The following MBNL1 variants were observed in gnomAD, a reference collection of about 807,000 sequenced individuals.
The protein encoded by MBNL1 is muscleblind like splicing regulator 1, also known as muscleblind-like protein 1.
Under a neutral mutation model 42.2 loss-of-function variants are expected in MBNL1, and 8 were observed. The ratio of observed to expected loss-of-function variants is 0.19; its 90% CI spans 0.11 to 0.34. The LOEUF (loss-of-function observed/expected upper bound fraction) is 0.34, where lower values mean the gene tolerates loss of function less well. MBNL1 is among the 10% of genes least tolerant of loss of function. MBNL1 has a pLI of 1.00. For missense variants in MBNL1, 309 were observed against 495.3 expected, an observed-to-expected ratio of 0.62 and a Z score of 3.57; for synonymous variants, 169 against 173.9, an observed-to-expected ratio of 0.97 and a Z score of 0.22.
intron 2 of MBNL1, among the ~76,000 whole-genome samples, chr3:152,381,725 ATGT>A (rs1430720659): frequency 6.6e-6 from 1 of 151,964 alleles, no homozygotes; most frequent in African/African-American, 2.4e-5. Context: ...TTTCTATGAA[ATGT>A]TTGTTTTTAA....
intron 2 of MBNL1, among the ~76,000 whole-genome samples, chr3:152,332,735 TGTGTGCGC>T (rs1333432838): frequency 2.5e-4 from 30 of 119,728 alleles, no homozygotes; most frequent in African/African-American, 9.3e-4. Context: ...TGTGTGTGTG[TGTGTGCGC>T]GCGCGCATGC....
intron 2 of MBNL1, among the ~76,000 whole-genome samples, chr3:152,407,209 CTTTTTTTTT>C (rs60509782): frequency 1.8e-5 from 1 of 54,378 alleles, no homozygotes; most frequent in Non-Finnish European, 4.1e-5. Context: ...GAAATATGTT[CTTTTTTTTT>C]TTTTTTTTTT....
intron 2 of MBNL1, among the ~76,000 whole-genome samples, chr3:152,323,846 T>G (rs781580996): frequency 1.3e-5 from 2 of 152,190 alleles, no homozygotes; most frequent in Non-Finnish European, 2.9e-5. Context: ...GACTGAAGCG[T>G]TGTTATACAG....
At chr3:152,388,464 A>G (rs1367157290) in intron 2 of MBNL1, among the ~76,000 whole-genome samples, 5 of 152,300 alleles carry the variant, frequency 3.3e-5, no homozygotes, top group East Asian at 3.9e-4. Flanking sequence ...TATTAACCCT[A>G]CCAGTCCCAG....
At chr3:152,412,541 G>C (rs534713641) in intron 2 of MBNL1, among the ~76,000 whole-genome samples, 2 of 152,214 alleles carry the variant, frequency 1.3e-5, no homozygotes, top group African/African-American at 4.8e-5. Flanking sequence ...AGGTACCATA[G>C]ATAAAAAATG....
At chr3:152,449,172 G>T (rs1211455250) in intron 6 of MBNL1, 3 of 151,944 alleles carry the variant, frequency 2.0e-5, no homozygotes, top group African/African-American at 4.8e-5. Context: ...AAGTTTCAAG[G>T]GATTATATGT....
intron 2 of MBNL1, among the ~76,000 whole-genome samples, chr3:152,391,221 T>G (rs574673346): frequency 6.6e-6 from 1 of 152,342 alleles, no homozygotes; most frequent in Non-Finnish European, 1.5e-5. Flanking sequence ...TATTAAGCAC[T>G]CTCTCCTTTT....
chr3:152,253,146 A>G (rs939296328), intron 2 of MBNL1, among the ~76,000 whole-genome samples: 8 of 152,094 alleles, frequency 5.3e-5, no homozygotes, highest in African/African-American at 1.7e-4. Context: ...ATACACTCAG[A>G]TGTTAAGAGG....
chr3:152,439,514 C>G (rs981632620), intron 4 of MBNL1, among the ~76,000 whole-genome samples: 1 of 152,058 alleles, frequency 6.6e-6, no homozygotes, highest in African/African-American at 2.4e-5. Flanking sequence ...AGAAAATTGC[C>G]AAGAAACCTT....
Position 152,459,374 on chromosome 3 carries a change from A to G in MBNL1, c.*18+29A>G, listed in dbSNP as rs755238844. ...AGTTCATTATGTAATATATAGTTGC[A>G]TATTTGTGGTGGTTTTTTTTAAGAT... is the stretch of plus-strand genomic sequence containing the variant. On this transcript the variant is annotated intron_variant, in intron 9 of 9. Transcript: ENST00000324210. 16 of 1,321,074 alleles carry G rather than the reference A, an allele frequency of 1.2e-5. No homozygotes were observed. The African/African-American group carries it at 2.3e-4, about 19-fold the overall frequency. The allele number at this position is 1,321,074 out of a possible 1,614,324, so 81.8% of individuals were successfully genotyped here.
chr3:152,441,548 A>G (rs2099145949), intron 4 of MBNL1, among the ~76,000 whole-genome samples: 1 of 152,208 alleles, frequency 6.6e-6, no homozygotes, highest in Admixed American at 6.5e-5. Flanking sequence ...AAGAAGGTTT[A>G]TTTAGAATTA....
At chr3:152,264,486 T>G (rs1229005004), upstream of MBNL1, 1 of 152,086 alleles carries the variant, frequency 6.6e-6, no homozygotes, top group East Asian at 1.9e-4. Flanking sequence ...TTTTAGAGCT[T>G]CTTCTTGTCC....
At chr3:152,407,029 T>A (rs1170949126) in intron 2 of MBNL1, among the ~76,000 whole-genome samples, 1 of 145,660 alleles carries the variant, frequency 6.9e-6, no homozygotes, top group East Asian at 2.0e-4. Flanking sequence ...ATTGGCAGTC[T>A]CAATAATTGT....
chr3:152,333,172 A>G (rs932252257), intron 2 of MBNL1, among the ~76,000 whole-genome samples: 1 of 152,178 alleles, frequency 6.6e-6, no homozygotes, highest in Non-Finnish European at 1.5e-5. Context: ...ATCCCCCAAA[A>G]CAGAATGACA....
rs572417247 is a variant in MBNL1, at chr3:152,322,738, T to A, written c.174+22371T>A. On this transcript the variant is annotated intron_variant, in intron 2 of 9. Coordinates refer to ENST00000324210, the MANE Select transcript of MBNL1 (RefSeq NM_021038.5). ...AAAGTTAACATTTTTCTGGCATTTT[T>A]TAAGCGCTAAGAGTAGAAATCAATA... Among the ~76,000 whole-genome samples the A allele has an allele frequency of 1.1e-3, 171 of 152,174 alleles. No individual in the cohort carries two copies. In the South Asian group the frequency reaches 0.019, roughly 17 times the overall value.
In MBNL1 at chr3:152,312,053, G is replaced by C. The variant is rs191124866; in HGVS notation, c.174+11686G>C. Among the ~76,000 whole-genome samples the C allele has an allele frequency of 5.1e-3, 770 of 151,544 alleles. 27 individuals are homozygous for C. The highest frequency in any genetic ancestry group is 0.042 in the Admixed American group (647 of 15,240). On this transcript the variant is annotated intron_variant, in intron 2 of 9. Coordinates refer to ENST00000324210, the MANE Select transcript of MBNL1 (RefSeq NM_021038.5). ...AAAAATACAAAAAAATTAGCCGGGC[G>C]TAGTGGCGGGCGCCTGTAGTCCCAG... is the stretch of plus-strand genomic sequence containing the variant.
At chr3:152,365,998 A>G (rs112983996) in intron 2 of MBNL1, among the ~76,000 whole-genome samples, 154 of 152,286 alleles carry the variant, frequency 1.0e-3, no homozygotes, top group African/African-American at 3.6e-3. Flanking sequence ...GCTACAACCT[A>G]GGAGGAACAC....
At chr3:152,269,355 C>A in intron 1 of MBNL1, 3 of 351,782 alleles carry the variant, frequency 8.5e-6, no homozygotes, top group South Asian at 6.2e-5. Flanking sequence ...CCGCGCACGG[C>A]TTGGCAGCCC....
chr3:152,426,500 T>TG, intron 3 of MBNL1, among the ~76,000 whole-genome samples: 1 of 152,224 alleles, frequency 6.6e-6, no homozygotes, highest in Non-Finnish European at 1.5e-5. Context: ...TATCATGGCT[T>TG]GCAACCTGGA....
Sources: allele counts gnomAD v4.1 joint callset (sites outside exome capture counted in the v4.1 genomes callset), GRCh38; gene constraint gnomAD v4.1.1; transcripts MANE v1.5; gene names NCBI Gene and HGNC (gene_info 2026-07-23, HGNC 2026-07-21).